TYW1B: variants seen among roughly 807,000 people sequenced by gnomAD.
The protein encoded by TYW1B is S-adenosyl-L-methionine-dependent tRNA 4-demethylwyosine synthase TYW1B.
Under a neutral mutation model 86.9 loss-of-function variants are expected in TYW1B, and 73 were observed. The observed-to-expected ratio is 0.84, with a 90% CI of 0.70 to 1.02. TYW1B has a LOEUF of 1.02. TYW1B is among the 50% of genes least tolerant of loss of function. TYW1B has a pLI of 0.00. For synonymous variants in TYW1B, 248 were observed against 292.8 expected, an observed-to-expected ratio of 0.85 and a Z score of 1.56; for missense variants, 637 against 827.4, an observed-to-expected ratio of 0.77 and a Z score of 2.82.
In TYW1B at chr7:72,744,524, G is replaced by A; in HGVS notation, c.1042C>T (p.Pro348Ser). ...NESHRCMETT[P>S]SLACANKCVF... Reference sequence around the variant, plus strand: ...CATTTATTAGCACACGCCAAGCTCGGGGTGGTTTCCATGCAGCGATGGCTC... The same window carrying A: ...CATTTATTAGCACACGCCAAGCTCGAGGTGGTTTCCATGCAGCGATGGCTC... The change falls in exon 8 of 14, where the codon CCG becomes TCG. Residue 348 changes from proline to serine, a missense_variant. Pro to Ser is a moderately conservative substitution (Grantham distance 74). Transcript: ENST00000620995. 1.3e-6 allele frequency: 2 copies of A among 1,580,832 alleles called. No homozygotes were observed. Among genetic ancestry groups the A allele is most frequent in the Non-Finnish European group, 1.7e-6 (2 of 1,168,508 alleles).
At chr7:72,607,729 C>G (rs569473867) in intron 13 of TYW1B, among the ~76,000 whole-genome samples, 1 of 151,870 alleles carries the variant, frequency 6.6e-6, no homozygotes, top group East Asian at 1.9e-4. Flanking sequence ...AAAAATCTAA[C>G]ATTTGTGTCA....
chr7:72,726,881 G>C (rs1787008322), intron 9 of TYW1B, among the ~76,000 whole-genome samples: 1 of 152,146 alleles, frequency 6.6e-6, no homozygotes, highest in African/African-American at 2.4e-5. Flanking sequence ...TATCACAGCG[G>C]AAGGCAAAGG....
chr7:72,645,025 C>T (rs1294734709), intron 11 of TYW1B, among the ~76,000 whole-genome samples: 2 of 152,084 alleles, frequency 1.3e-5, no homozygotes, highest in Non-Finnish European at 2.9e-5. Flanking sequence ...GATGCGGTTT[C>T]ACCGTGTTAG....
At chr7:72,825,048 A>G (rs1227689364) in intron 2 of TYW1B, among the ~76,000 whole-genome samples, 1 of 149,834 alleles carries the variant, frequency 6.7e-6, no homozygotes, top group Admixed American at 6.7e-5. Context: ...GGTTGCAGTG[A>G]GTGAAGATGG....
rs1787973563 is a variant in TYW1B, at chr7:72,777,343, G to A, written c.964+73C>T. The A allele has an allele frequency of 4.5e-6, 7 of 1,544,834 alleles. No homozygotes were observed. The South Asian group carries it at 8.1e-5, about 18-fold the overall frequency. On this transcript the variant is annotated intron_variant, in intron 7 of 13. Transcript: ENST00000620995. ...ACAGCTGCTGAGCTAATTAGAGAGA[G>A]ACTTCATTCTAGGTATCAAATGAGA...
chr7:72,763,118 C>A (rs1160175684), intron 7 of TYW1B, among the ~76,000 whole-genome samples: 1 of 151,624 alleles, frequency 6.6e-6, no homozygotes, highest in African/African-American at 2.4e-5. Context: ...GGCAATCACA[C>A]CACAAAAAGT....
At chr7:72,653,998 T>A (rs1479900486) in intron 11 of TYW1B, among the ~76,000 whole-genome samples, 1 of 148,330 alleles carries the variant, frequency 6.7e-6, no homozygotes, top group Non-Finnish European at 1.5e-5. Context: ...GAGAATCACA[T>A]GAACCCAGGA....
chr7:72,735,938 T>C (rs1280361779), intron 8 of TYW1B, among the ~76,000 whole-genome samples: 5 of 152,146 alleles, frequency 3.3e-5, no homozygotes, highest in Non-Finnish European at 7.3e-5. Flanking sequence ...GCTTTTGCTA[T>C]ACTCACAGAG....
chr7:72,578,687 A>G (rs1339709510), intron 13 of TYW1B, among the ~76,000 whole-genome samples: 3 of 152,228 alleles, frequency 2.0e-5, no homozygotes, highest in Non-Finnish European at 4.4e-5. Flanking sequence ...AACTGGGCCA[A>G]CTATGGACTT....
intron 8 of TYW1B, among the ~76,000 whole-genome samples, chr7:72,739,145 G>A (rs1224999260): frequency 1.3e-5 from 2 of 152,058 alleles, no homozygotes; most frequent in African/African-American, 4.8e-5. Flanking sequence ...TACATGATCT[G>A]TCAATTGAAG....
At chr7:72,700,217 C>T (rs1814432693) in intron 10 of TYW1B, among the ~76,000 whole-genome samples, 1 of 114,640 alleles carries the variant, frequency 8.7e-6, no homozygotes, top group Non-Finnish European at 1.6e-5. Flanking sequence ...CTCTGTCACC[C>T]AGGCTGGAGT....
At chr7:72,740,241 GA>G (rs1158372680) in intron 8 of TYW1B, among the ~76,000 whole-genome samples, 34 of 149,412 alleles carry the variant, frequency 2.3e-4, no homozygotes, top group East Asian at 2.2e-3. Flanking sequence ...TCAAAAAAAA[GA>G]AAAAAAAATT....
intron 13 of TYW1B, among the ~76,000 whole-genome samples, chr7:72,585,673 G>A (rs782574620): frequency 6.6e-6 from 1 of 152,120 alleles, no homozygotes; most frequent in Non-Finnish European, 1.5e-5. Flanking sequence ...TTTTACGAAG[G>A]GGGGTTTCCC....
intron 7 of TYW1B, among the ~76,000 whole-genome samples, chr7:72,773,618 G>C (rs554762972): frequency 3.3e-5 from 5 of 152,322 alleles, no homozygotes; most frequent in Admixed American, 6.5e-5. Context: ...GACTCCAAGA[G>C]TCTACAGCGG....
chr7:72,764,149 T>C (rs1188343198), intron 7 of TYW1B, among the ~76,000 whole-genome samples: 3 of 152,200 alleles, frequency 2.0e-5, no homozygotes, highest in Non-Finnish European at 2.9e-5. Flanking sequence ...CCTTGTCAAC[T>C]GGGAAATTTC....
intron 13 of TYW1B, among the ~76,000 whole-genome samples, chr7:72,612,677 A>C (rs1811962668): frequency 6.6e-6 from 1 of 152,218 alleles, no homozygotes; most frequent in Non-Finnish European, 1.5e-5. Flanking sequence ...ACAGTATTCC[A>C]TCTGAGGACG....
At chr7:72,727,379 A>G (rs1787019567) in intron 9 of TYW1B, among the ~76,000 whole-genome samples, 1 of 152,208 alleles carries the variant, frequency 6.6e-6, no homozygotes, top group Non-Finnish European at 1.5e-5. Flanking sequence ...TGGTAGGTAG[A>G]GACCAGAGCA....
At position 72,802,661 on chromosome 7, in the gene TYW1B, C is replaced by T. The variant is rs557367617; in HGVS notation, c.724-139G>A. 594 of 1,378,856 alleles carry T rather than the reference C, an allele frequency of 4.3e-4. 5 individuals are homozygous for T. In the South Asian group the frequency reaches 8.5e-3, roughly 20 times the overall value. The allele number at this position is 1,378,856 out of a possible 1,614,324, so 85.4% of individuals were successfully genotyped here. A position where few individuals can be genotyped will look rare whatever the true frequency, so the allele number is the denominator to read the frequency against. On this transcript the variant is annotated intron_variant, in intron 5 of 13. Transcript: ENST00000620995. ...TTTGAGACAGGGTCTCGCTCTGTCG[C>T]CCAGGCTGGAGCGCAGTGGCGTCAT... is the stretch of plus-strand genomic sequence containing the variant.
chr7:72,799,167 T>A (rs1183450007), intron 6 of TYW1B, among the ~76,000 whole-genome samples: 2 of 146,684 alleles, frequency 1.4e-5, no homozygotes, highest in Non-Finnish European at 3.0e-5. Context: ...TTTTTTTTTT[T>A]TTTTTTTTTG....
Sources: allele counts gnomAD v4.1 joint callset (sites outside exome capture counted in the v4.1 genomes callset), GRCh38; gene constraint gnomAD v4.1.1; transcripts MANE v1.5; gene names NCBI Gene and HGNC (gene_info 2026-07-23, HGNC 2026-07-21).